The following HERC4 variants were observed in gnomAD, a reference collection of about 807,000 sequenced individuals.
HERC4 encodes HECT and RLD domain containing E3 ubiquitin protein ligase 4.
Under a neutral mutation model 124.3 loss-of-function variants are expected in HERC4, and 28 were observed. The ratio of observed to expected loss-of-function variants is 0.23; its 90% CI spans 0.17 to 0.31. The LOEUF (loss-of-function observed/expected upper bound fraction) is 0.31. Ranked by LOEUF, HERC4 falls within the 10% of genes least tolerant of loss-of-function variation. The probability of loss-of-function intolerance (pLI) is 1.00; values close to 1 mark genes in which losing one functional copy is unlikely to be tolerated. For missense variants in HERC4, 713 were observed against 1,229.3 expected, an observed-to-expected ratio of 0.58 and a Z score of 6.28; for synonymous variants, 407 against 421.5, an observed-to-expected ratio of 0.97 and a Z score of 0.42.
At chr10:68,028,505 T>G (rs1479198716) in intron 7 of HERC4, among the ~76,000 whole-genome samples, 2 of 152,196 alleles carry the variant, frequency 1.3e-5, no homozygotes, top group Non-Finnish European at 2.9e-5. Flanking sequence ...TTATACATAT[T>G]TTTTGCCCTA....
In HERC4 at chr10:68,017,605, G is replaced by C. The variant is rs1318428528; in HGVS notation, c.909-3419C>G. Among the ~76,000 whole-genome samples, 3 of 152,234 alleles carry C rather than the reference G, an allele frequency of 2.0e-5. No homozygotes were observed. In the East Asian group the frequency reaches 5.8e-4, roughly 29 times the overall value. On this transcript the variant is annotated intron_variant, in intron 8 of 24. Transcript: ENST00000373700. ...ATCAAGTGATTCTCCTGTCTCATCA[G>C]CCTCCCCAGAAGCTGGGATTACAGG...
chr10:68,021,856 A>G (rs2038645614), intron 8 of HERC4, among the ~76,000 whole-genome samples: 1 of 152,154 alleles, frequency 6.6e-6, no homozygotes, highest in East Asian at 1.9e-4. Context: ...GAAAGAAAAA[A>G]AAAATCTCTG....
intron 23 of HERC4, among the ~76,000 whole-genome samples, chr10:67,927,997 G>T (rs1354283354): frequency 1.3e-5 from 2 of 152,152 alleles, no homozygotes; most frequent in Non-Finnish European, 2.9e-5. Flanking sequence ...TGCAATTTTA[G>T]ATCAGTTATC....
chr10:68,009,531 C>T (rs565398119), intron 9 of HERC4, among the ~76,000 whole-genome samples: 1 of 152,282 alleles, frequency 6.6e-6, no homozygotes, highest in African/African-American at 2.4e-5. Flanking sequence ...TGAGGCTTTG[C>T]AAGTCTTAAA....
chr10:67,932,627 A>G lies in HERC4; in HGVS notation c.2808T>C (p.Asn936=). 6.2e-7 allele frequency: 1 copy of G among 1,611,070 alleles called. No homozygotes were observed. Among genetic ancestry groups the G allele is most frequent in the Non-Finnish European group, 8.5e-7 (1 of 1,179,100 alleles). The stretch of plus-strand genomic sequence containing the variant: ...CCAGTTCCTTCCAATCATAATTTGT[A>G]TTTCCAATGACCATTGCTTGTAGTT... The part of the protein sequence containing the change: ...PNELQAMVIG[N]TNYDWKELEK... The change falls in exon 23 of 25, where the codon AAT becomes AAC. Residue 936 remains asparagine (N), a synonymous_variant. Coordinates refer to ENST00000373700, the MANE Select transcript of HERC4 (RefSeq NM_015601.4).
intron 19 of HERC4, among the ~76,000 whole-genome samples, chr10:67,948,591 C>T (rs1162456939): frequency 1.3e-5 from 2 of 152,086 alleles, no homozygotes; most frequent in East Asian, 3.9e-4. Flanking sequence ...TAAACTAGTA[C>T]AACCACTATG....
chr10:68,044,662 T>G, intron 3 of HERC4, 99 bp from the exon 4 acceptor site: 1 of 1,043,442 alleles, frequency 9.6e-7, no homozygotes, highest in South Asian at 1.5e-5. Flanking sequence ...ACAAAACACA[T>G]TCTTCATTTT....
intron 15 of HERC4, among the ~76,000 whole-genome samples, chr10:67,973,031 A>G (rs930260108): frequency 2.0e-5 from 3 of 152,222 alleles, no homozygotes; most frequent in African/African-American, 7.2e-5. Context: ...CAAATGATTC[A>G]TGAAAAAAGA....
intron 3 of HERC4, among the ~76,000 whole-genome samples, chr10:68,056,541 C>T (rs1179033587): frequency 6.6e-6 from 1 of 152,118 alleles, no homozygotes; most frequent in Non-Finnish European, 1.5e-5. Flanking sequence ...TGGTAGTACA[C>T]AAAATGTGTG....
chr10:67,953,155 C>T (rs930697569), intron 19 of HERC4, among the ~76,000 whole-genome samples: 2 of 152,060 alleles, frequency 1.3e-5, no homozygotes, highest in African/African-American at 4.8e-5. Flanking sequence ...TTTAACACAT[C>T]TTATTTTGTA....
intron 9 of HERC4, among the ~76,000 whole-genome samples, chr10:68,006,238 G>A (rs757145750): frequency 1.2e-4 from 19 of 152,144 alleles, no homozygotes; most frequent in Non-Finnish European, 2.2e-4. Flanking sequence ...TACTATTATC[G>A]TGAGTTTTGT....
intron 8 of HERC4, among the ~76,000 whole-genome samples, chr10:68,019,745 C>T (rs1161840061): frequency 6.6e-6 from 1 of 152,172 alleles, no homozygotes; most frequent in Non-Finnish European, 1.5e-5. Flanking sequence ...TGTAATGCAG[C>T]CATGAACAGC....
intron 19 of HERC4, among the ~76,000 whole-genome samples, chr10:67,943,664 G>T (rs950525007): frequency 6.6e-6 from 1 of 152,190 alleles, no homozygotes; most frequent in African/African-American, 2.4e-5. Context: ...TAGTTAGGGT[G>T]CTGCACTGAA....
At chr10:67,969,199 C>T (rs183128473) in intron 15 of HERC4, among the ~76,000 whole-genome samples, 1 of 152,108 alleles carries the variant, frequency 6.6e-6, no homozygotes, top group African/African-American at 2.4e-5. Flanking sequence ...ACAAGACAAC[C>T]AAGTAGCCTG....
intron 3 of HERC4, among the ~76,000 whole-genome samples, chr10:68,051,371 G>C (rs2133597228): frequency 7.3e-6 from 1 of 136,226 alleles, no homozygotes; most frequent in Admixed American, 7.8e-5. Flanking sequence ...TTGAGACAGA[G>C]TCTCGCTCTG....
chr10:67,924,990 CA>C, intron 24 of HERC4, 94 bp downstream of exon 24: 7 of 689,684 alleles, frequency 1.0e-5, no homozygotes, highest in South Asian at 2.1e-5. Flanking sequence ...AGTTCTGTTT[CA>C]AAAAAATTAC....
intron 19 of HERC4, among the ~76,000 whole-genome samples, chr10:67,943,204 G>A (rs2033059682): frequency 6.6e-6 from 1 of 152,126 alleles, no homozygotes; most frequent in East Asian, 1.9e-4. Flanking sequence ...TTTCTGTGCT[G>A]TTATGTCTTA....
At chr10:68,059,590 T>TATTATATATCATA (rs1423728654) in intron 3 of HERC4, among the ~76,000 whole-genome samples, 8 of 101,966 alleles carry the variant, frequency 7.8e-5, no homozygotes, top group African/African-American at 3.4e-4. Context: ...TTATATATCA[T>TATTATATATCATA]ATTATATATC....
At chr10:67,997,050 C>A (rs1397900624) in intron 9 of HERC4, among the ~76,000 whole-genome samples, 3 of 151,762 alleles carry the variant, frequency 2.0e-5, no homozygotes, top group Non-Finnish European at 2.9e-5. Flanking sequence ...GATAGAAATA[C>A]TGAACTCAAG....
Sources: allele counts gnomAD v4.1 joint callset (sites outside exome capture counted in the v4.1 genomes callset), GRCh38; gene constraint gnomAD v4.1.1; transcripts MANE v1.5; gene names NCBI Gene and HGNC (gene_info 2026-07-23, HGNC 2026-07-21).